Variants in TRRAP observed in about 807,000 individuals in gnomAD.
TRRAP encodes the protein transformation/transcription domain-associated protein.
A neutral mutation model predicts 438.8 loss-of-function variants in TRRAP; 41 were observed. That is an observed-to-expected ratio of 0.09 (90% CI 0.07 to 0.12). The LOEUF is 0.12. Among genes scored for constraint, TRRAP ranks in the 10% least tolerant of loss-of-function variants. TRRAP has a pLI of 1.00. For synonymous variants in TRRAP, 1,994 were observed against 1,962.9 expected, an observed-to-expected ratio of 1.02 and a Z score of -0.42; for missense variants, 3,122 against 5,055.1, an observed-to-expected ratio of 0.62 and a Z score of 11.60.
intron 52 of TRRAP, among the ~76,000 whole-genome samples, chr7:98,971,254 AGTT>A (rs1792405199): frequency 6.6e-6 from 1 of 152,088 alleles, no homozygotes; most frequent in Non-Finnish European, 1.5e-5. Context: ...CCAAGTCTGA[AGTT>A]CTTCATTTTC....
rs1183475527 is a variant in TRRAP at position 98,962,312 on chromosome 7, T to C, written c.6714T>C (p.Ser2238=). ...CCTGCCCTGTTGTAGGTACTTCCAGTGTGGCCTCCAAATATGAAGAGCTGG... is the reference window on the plus strand; with the variant it reads ...CCTGCCCTGTTGTAGGTACTTCCAGCGTGGCCTCCAAATATGAAGAGCTGG... ...SIFPTEPSTS[S]VASKYEELEC... Residue 2238 remains serine (S), a synonymous_variant, in exon 47 of 73, where the codon AGT becomes AGC. Transcript: ENST00000456197. 6.2e-6 allele frequency: 10 copies of C among 1,614,182 alleles called. No homozygotes were observed. The Admixed American group carries it at 1.3e-4, about 22-fold the overall frequency.
intron 6 of TRRAP, among the ~76,000 whole-genome samples, 172 bp from the exon 7 acceptor site, chr7:98,895,592 C>T (rs1796161071): frequency 6.6e-6 from 1 of 152,138 alleles, no homozygotes; most frequent in South Asian, 2.1e-4. Flanking sequence ...TTTATATTTA[C>T]TTATTTTTTT....
At chr7:98,885,035 T>C (rs1795633713) in intron 3 of TRRAP, among the ~76,000 whole-genome samples, 1 of 152,158 alleles carries the variant, frequency 6.6e-6, no homozygotes. Context: ...GAGGGAGGCA[T>C]GTCTCACATA....
At chr7:98,941,202 G>A in intron 30 of TRRAP, among the ~76,000 whole-genome samples, 1 of 152,114 alleles carries the variant, frequency 6.6e-6, no homozygotes, top group East Asian at 1.9e-4. Flanking sequence ...TTGAGACAGG[G>A]CCTTGCTCTG....
At chr7:98,922,044 G>A (rs1554410704) in intron 21 of TRRAP, 91 bp downstream of exon 21, 3 of 1,531,132 alleles carry the variant, frequency 2.0e-6, no homozygotes, top group Non-Finnish European at 2.7e-6. Context: ...CTGTGTCTTA[G>A]GCAATCTCTG....
chr7:98,883,868 C>T (rs1229331279), intron 3 of TRRAP, among the ~76,000 whole-genome samples: 2 of 152,146 alleles, frequency 1.3e-5, no homozygotes, highest in Non-Finnish European at 2.9e-5. Context: ...ATCATAGGGA[C>T]TCTAGATCCT....
At chr7:98,993,173 T>C (rs1318060972) in intron 65 of TRRAP, among the ~76,000 whole-genome samples, 2 of 152,248 alleles carry the variant, frequency 1.3e-5, no homozygotes, top group African/African-American at 4.8e-5. Flanking sequence ...CATTTATGTT[T>C]AGGATGATCA....
At chr7:98,995,313 C>T (rs1158893176) in intron 67 of TRRAP, among the ~76,000 whole-genome samples, 1 of 149,260 alleles carries the variant, frequency 6.7e-6, no homozygotes, top group Non-Finnish European at 1.5e-5. Flanking sequence ...CAGTAGGAGA[C>T]AGCGTCTGGC....
intron 28 of TRRAP, among the ~76,000 whole-genome samples, chr7:98,936,531 T>G (rs1203479396): frequency 6.6e-6 from 1 of 152,194 alleles, no homozygotes; most frequent in Non-Finnish European, 1.5e-5. Context: ...CTAAGAATAT[T>G]TGCCTTTTGA....
intron 64 of TRRAP, 28 bp downstream of exon 64, chr7:98,990,647 C>G (rs754435181): frequency 6.3e-7 from 1 of 1,589,492 alleles, no homozygotes; most frequent in African/African-American, 1.3e-5. Flanking sequence ...GCCTTGTTCA[C>G]GTGCACAAAA....
chr7:98,880,348 C>T (rs1407570011), intron 1 of TRRAP, among the ~76,000 whole-genome samples: 2 of 149,684 alleles, frequency 1.3e-5, no homozygotes, highest in Non-Finnish European at 3.0e-5. Context: ...ACTGCAATCT[C>T]CACCTCCTGG....
At chr7:98,923,708 G>A (rs1554411023) in intron 21 of TRRAP, among the ~76,000 whole-genome samples, 1 of 152,256 alleles carries the variant, frequency 6.6e-6, no homozygotes, top group Non-Finnish European at 1.5e-5. Context: ...TCATGCTTGT[G>A]TGCACTGCGT....
At chr7:98,973,372 C>T (rs763079424) in intron 53 of TRRAP, among the ~76,000 whole-genome samples, 12 of 152,346 alleles carry the variant, frequency 7.9e-5, no homozygotes, top group Non-Finnish European at 1.2e-4. Flanking sequence ...CACATCACCA[C>T]GTCATCAGGT....
intron 7 of TRRAP, among the ~76,000 whole-genome samples, chr7:98,896,191 T>G (rs1554405692): frequency 6.6e-6 from 1 of 152,178 alleles, no homozygotes; most frequent in Non-Finnish European, 1.5e-5. Context: ...GAAGACTTTT[T>G]GGGGAGGTGG....
chr7:98,930,143 C>A lies in TRRAP; in HGVS notation c.3330C>A (p.Ile1110=). The A allele has an allele frequency of 6.2e-7, 1 of 1,614,120 alleles. No individual in the cohort carries two copies. Among genetic ancestry groups the A allele is most frequent in the South Asian group, 1.1e-5 (1 of 91,082 alleles). The part of the protein sequence containing the change: ...MAYEEKELCK[I]GEVALAVIFD... ...ATGAAGAAAAGGAGCTTTGCAAAATCGGGGAGGTGGCCCTAGCTGTGATAT... is the reference window on the plus strand; with the variant it reads ...ATGAAGAAAAGGAGCTTTGCAAAATAGGGGAGGTGGCCCTAGCTGTGATAT... The change falls in exon 24 of 73, where the codon ATC becomes ATA. Residue 1110 remains isoleucine, a synonymous_variant. Transcript: ENST00000456197.
chr7:98,897,810 A>G lies in TRRAP; in HGVS notation c.577A>G (p.Ile193Val), dbSNP rs782166445. Reference protein sequence around the residue: ...TVPPPEMVGMITTIAVKVNPE... With the variant: ...TVPPPEMVGMVTTIAVKVNPE... The stretch of plus-strand genomic sequence containing the variant: ...GCCTCCCCCAGAAATGGTTGGTATG[A>G]TAACAACGATTGCTGTGAAAGTCAA... Residue 193 changes from isoleucine (I) to valine (V), a missense_variant, in exon 8 of 73, where the codon ATA becomes GTA. Ile to Val is a conservative substitution (Grantham distance 29, BLOSUM62 3). Around this residue, in one of 24 missense-constraint regions of TRRAP, gnomAD observed 343 missense variants for 564.0 expected, o/e 0.61. Transcript: ENST00000456197. 1 of 1,614,052 alleles carries G rather than the reference A, an allele frequency of 6.2e-7. No individual in the cohort carries two copies. The highest frequency in any genetic ancestry group is 8.5e-7 in the Non-Finnish European group (1 of 1,180,004).
At chr7:98,894,783 G>GTTTTTTTT (rs56407045) in intron 6 of TRRAP, among the ~76,000 whole-genome samples, 648 of 87,392 alleles carry the variant, frequency 7.4e-3, no homozygotes, top group East Asian at 0.012. Flanking sequence ...CCAGCTAATG[G>GTTTTTTTT]TTTTTTTTTT....
chr7:98,935,712 A>G (rs781806418), intron 28 of TRRAP, 37 bp downstream of exon 28: 42 of 1,537,668 alleles, frequency 2.7e-5, no homozygotes, highest in Non-Finnish European at 3.5e-5. Context: ...TAAAAGTGAA[A>G]GGAGACTGAC....
chr7:98,975,672 C>T (rs724752), intron 53 of TRRAP, among the ~76,000 whole-genome samples: 48,060 of 152,224 alleles, frequency 0.32, 7,963 homozygotes, highest in South Asian at 0.46. Flanking sequence ...CTCTTGTCCA[C>T]TGCAGATTGC....
Sources: gnomAD v4.1 joint callset for allele counts (sites outside exome capture counted in the v4.1 genomes callset) on GRCh38, gnomAD v4.1.1 for gene constraint, gnomAD v4.1.1 regional missense constraint, MANE v1.5 for transcripts, NCBI Gene and HGNC (gene_info 2026-07-23, HGNC 2026-07-21) for gene names.